Variants in MMRN1 observed in about 807,000 individuals in gnomAD.
MMRN1 encodes the protein multimerin-1.
In MMRN1, 94 loss-of-function variants were observed where a neutral mutation model predicts 100.7. The ratio of observed to expected loss-of-function variants is 0.93; its 90% confidence interval spans 0.79 to 1.11. MMRN1 has a LOEUF of 1.11. MMRN1 is among the 50% of genes least tolerant of loss of function. MMRN1 has a pLI of 0.00. For synonymous variants in MMRN1, 575 were observed against 505.0 expected (o/e 1.14, Z -1.86); for missense variants, 1,606 against 1,439.1 (o/e 1.12, Z -1.88).
At chr4:89,896,466 A>T (rs549581070) in intron 1 of MMRN1, among the ~76,000 whole-genome samples, 3 of 152,258 alleles carry the variant, frequency 2.0e-5, no homozygotes. Context: ...ACAAAGAAAA[A>T]ATATCTGGGT....
chr4:89,940,526 A>T (rs1366013569), intron 6 of MMRN1, among the ~76,000 whole-genome samples: 2 of 152,134 alleles, frequency 1.3e-5, no homozygotes, highest in Non-Finnish European at 2.9e-5. Flanking sequence ...AACCATTTCT[A>T]AATTTTGTGA....
At chr4:89,891,586 T>C (rs944062974), upstream of MMRN1, among the ~76,000 whole-genome samples, 3 of 152,078 alleles carry the variant, frequency 2.0e-5, no homozygotes, top group Non-Finnish European at 2.9e-5. Context: ...CATCGACTCA[T>C]CAAAATCATG....
At chr4:89,947,420 A>G (rs1005596196) in intron 6 of MMRN1, among the ~76,000 whole-genome samples, 1 of 152,238 alleles carries the variant, frequency 6.6e-6, no homozygotes, top group Admixed American at 6.5e-5. Flanking sequence ...ATTCTATTCC[A>G]TCTTTTATTA....
intron 1 of MMRN1, among the ~76,000 whole-genome samples, chr4:89,882,509 C>A (rs145913619): frequency 6.6e-6 from 1 of 151,734 alleles, no homozygotes; most frequent in Non-Finnish European, 1.5e-5. Context: ...GTGAAGTTTT[C>A]TTAATGCTCT....
intron 6 of MMRN1, among the ~76,000 whole-genome samples, chr4:89,949,594 G>A (rs1427375516): frequency 6.6e-6 from 1 of 152,206 alleles, no homozygotes; most frequent in African/African-American, 2.4e-5. Flanking sequence ...GCAGCAAAGT[G>A]AGGTTAAAGG....
At chr4:89,951,431 T>G in intron 6 of MMRN1, 174 bp from the exon 7 acceptor site, 1 of 512,806 alleles carries the variant, frequency 2.0e-6, no homozygotes. Flanking sequence ...AGATCAGAGC[T>G]AAGGGATTTG....
At chr4:89,945,905 T>A (rs1722971844) in intron 6 of MMRN1, among the ~76,000 whole-genome samples, 2 of 152,174 alleles carry the variant, frequency 1.3e-5, no homozygotes, top group South Asian at 4.1e-4. Context: ...ACTGACAGTT[T>A]GAAGGAAAAG....
chr4:89,931,319 T>C (rs1322679043), intron 5 of MMRN1, among the ~76,000 whole-genome samples: 2 of 152,166 alleles, frequency 1.3e-5, no homozygotes, highest in African/African-American at 4.8e-5. Context: ...TTTCACATAT[T>C]TTTATGTAAG....
At chr4:89,889,653 G>A (rs188412460) in intron 1 of MMRN1, among the ~76,000 whole-genome samples, 1 of 152,170 alleles carries the variant, frequency 6.6e-6, no homozygotes, top group Non-Finnish European at 1.5e-5. Context: ...GTGATGTGCT[G>A]TGCCCTCTTC....
At chr4:89,912,176 T>C (rs1721775278) in intron 3 of MMRN1, 126 bp downstream of exon 3, 3 of 550,714 alleles carry the variant, frequency 5.4e-6, no homozygotes, top group Non-Finnish European at 8.9e-6. Flanking sequence ...AGGACTGTTA[T>C]ACTTTCTAAG....
chr4:89,952,544 T>C (rs1374937079), intron 7 of MMRN1, among the ~76,000 whole-genome samples: 1 of 152,222 alleles, frequency 6.6e-6, no homozygotes, highest in Non-Finnish European at 1.5e-5. Flanking sequence ...TGACTTTATA[T>C]GGTTTTCGTT....
intron 3 of MMRN1, among the ~76,000 whole-genome samples, chr4:89,919,349 A>G (rs890778139): frequency 1.3e-5 from 2 of 151,596 alleles, no homozygotes; most frequent in East Asian, 1.9e-4. Context: ...ATTTCATAAC[A>G]TTTTTTAATA....
intron 6 of MMRN1, among the ~76,000 whole-genome samples, chr4:89,944,463 T>C (rs1722926608): frequency 6.6e-6 from 1 of 152,298 alleles, no homozygotes; most frequent in East Asian, 1.9e-4. Context: ...GTCCAAAAAA[T>C]TAAAAAATAT....
chr4:89,898,536 C>T (rs1405038475), intron 1 of MMRN1, among the ~76,000 whole-genome samples: 3 of 151,774 alleles, frequency 2.0e-5, no homozygotes, highest in South Asian at 2.1e-4. Context: ...CTATTGGTTG[C>T]CTCCAGAATA....
Position 89,895,503 on chromosome 4 carries a change from G to A in MMRN1, c.532G>A (p.Ala178Thr). 6.2e-7 allele frequency: 1 copy of A among 1,613,780 alleles called. No homozygotes were observed. The highest frequency in any genetic ancestry group is 8.5e-7 in the Non-Finnish European group (1 of 1,179,900). ...AGGCACTGGAGGCGTGGGAAATCGAGCCCCACGGGAAACATACCTCAGCCG... is the reference window on the plus strand; with the variant it reads ...AGGCACTGGAGGCGTGGGAAATCGAACCCCACGGGAAACATACCTCAGCCG... ...VGGTGGVGNR[A>T]PRETYLSRGD... Residue 178 changes from alanine (A) to threonine (T), a missense_variant, in exon 1 of 8, where the codon GCC (alanine) becomes ACC (threonine). By Grantham distance (58) the Ala-to-Thr change is moderately conservative. Coordinates refer to ENST00000264790, the MANE Select transcript of MMRN1 (RefSeq NM_007351.3).
At chr4:89,939,613 A>AG (rs1307126392) in intron 6 of MMRN1, among the ~76,000 whole-genome samples, 12 of 152,128 alleles carry the variant, frequency 7.9e-5, no homozygotes, top group African/African-American at 7.2e-5. Context: ...TCATTCAACT[A>AG]GTAAGTGATA....
chr4:89,919,860 T>C (rs1722033423), intron 3 of MMRN1, among the ~76,000 whole-genome samples: 1 of 152,124 alleles, frequency 6.6e-6, no homozygotes, highest in South Asian at 2.1e-4. Context: ...TTTAGAACAA[T>C]TAGCACATGC....
chr4:89,897,090 C>T (rs1159259170), intron 1 of MMRN1, among the ~76,000 whole-genome samples: 1 of 152,148 alleles, frequency 6.6e-6, no homozygotes, highest in Non-Finnish European at 1.5e-5. Flanking sequence ...CACTTGAATG[C>T]ATCATTTCTG....
rs776692957 is a variant in MMRN1 at position 89,936,157 on chromosome 4, T to C, written c.2477T>C (p.Met826Thr). 5.6e-6 allele frequency: 9 copies of C among 1,612,404 alleles called. No individual in the cohort carries two copies. The East Asian group carries it at 2.0e-4, about 36-fold the overall frequency. The change falls in exon 6 of 8, where the codon ATG (methionine) becomes ACG (threonine). Residue 826 changes from methionine to threonine, a missense_variant. By Grantham distance (81) the Met-to-Thr change is moderately conservative (BLOSUM62 -1). Transcript: ENST00000264790. ...NQSNFQKMYQ[M>T]FNETTSQVRK... ...TCCAACTTCCAAAAGATGTATCAAATGTTCAATGAAACCACTTCCCAAGTG... is the reference window on the plus strand; with the variant it reads ...TCCAACTTCCAAAAGATGTATCAAACGTTCAATGAAACCACTTCCCAAGTG...
Sources: gnomAD v4.1 joint callset for allele counts (sites outside exome capture counted in the v4.1 genomes callset) on GRCh38, gnomAD v4.1.1 for gene constraint, MANE v1.5 for transcripts, NCBI Gene and HGNC (gene_info 2026-07-23, HGNC 2026-07-21) for gene names.